SUCLG1: variants seen among roughly 807,000 people sequenced by gnomAD.
SUCLG1 encodes succinate--CoA ligase [ADP/GDP-forming] subunit alpha, mitochondrial.
SUCLG1 carries 26 observed loss-of-function variants against 37.3 expected under a neutral mutation model. The observed-to-expected ratio is 0.70, with a 90% CI of 0.51 to 0.97. The LOEUF is 0.97. Ranked by LOEUF, SUCLG1 falls within the 50% of genes least tolerant of loss-of-function variation. The pLI is 0.00. For missense variants in SUCLG1, 433 were observed against 432.9 expected (o/e 1.00, Z 0.00); for synonymous variants, 163 against 155.6 (o/e 1.05, Z -0.36).
intron 4 of SUCLG1, 70 bp downstream of exon 4, chr2:84,441,177 G>A (rs373372300): frequency 9.7e-4 from 1,562 of 1,610,598 alleles, no homozygotes; most frequent in Non-Finnish European, 1.2e-3. Flanking sequence ...AAATACACTC[G>A]CATTCACTCA....
intron 1 of SUCLG1, 108 bp downstream of exon 1, chr2:84,459,065 C>A (rs1214421147): frequency 8.5e-7 from 1 of 1,177,510 alleles, no homozygotes; most frequent in Non-Finnish European, 1.2e-6. Context: ...TCCCAGGCCC[C>A]CGCCGAGGTC....
intron 1 of SUCLG1, among the ~76,000 whole-genome samples, chr2:84,458,205 T>A (rs927212102): frequency 2.0e-5 from 3 of 152,060 alleles, no homozygotes; most frequent in African/African-American, 7.2e-5. Context: ...AGGATACATG[T>A]GACAACCACT....
At chr2:84,425,291 A>T in intron 8 of SUCLG1, 124 bp downstream of exon 8, 3 of 1,074,650 alleles carry the variant, frequency 2.8e-6, no homozygotes, top group Non-Finnish European at 4.2e-6. Flanking sequence ...ACAAACTATT[A>T]AGCTGCACAT....
chr2:84,452,049 C>T (rs865970612), intron 1 of SUCLG1, among the ~76,000 whole-genome samples: 22 of 152,100 alleles, frequency 1.4e-4, no homozygotes, highest in Admixed American at 1.2e-3. Context: ...TTGAGGAGCA[C>T]CCATACCAAG....
At chr2:84,446,661 G>A (rs1043362581) in intron 2 of SUCLG1, among the ~76,000 whole-genome samples, 1 of 151,906 alleles carries the variant, frequency 6.6e-6, no homozygotes, top group African/African-American at 2.4e-5. Context: ...TTGCTGCTCT[G>A]CAATGAGATA....
chr2:84,451,501 A>C (rs1260423315), intron 1 of SUCLG1, among the ~76,000 whole-genome samples: 1 of 152,216 alleles, frequency 6.6e-6, no homozygotes, highest in African/African-American at 2.4e-5. Context: ...AGTCACCCTG[A>C]GAAAAGGCAG....
chr2:84,425,360 C>T lies in SUCLG1; in HGVS notation c.1014+55G>A, dbSNP rs966889026. 4 of 1,602,762 alleles carry T rather than the reference C, an allele frequency of 2.5e-6. No homozygotes were observed. The African/African-American group carries it at 5.4e-5, about 21-fold the overall frequency. Reference sequence around the variant, plus strand: ...ATGATTTCCAGGTATCCAGTGTGGCCACACACAGAGAAAGCCTGCAACCTC... The same window carrying T: ...ATGATTTCCAGGTATCCAGTGTGGCTACACACAGAGAAAGCCTGCAACCTC... On this transcript the variant is annotated intron_variant, in intron 8 of 8. Coordinates refer to ENST00000393868, the MANE Select transcript of SUCLG1 (RefSeq NM_003849.4).
At chr2:84,445,974 A>T (rs906870937) in intron 2 of SUCLG1, among the ~76,000 whole-genome samples, 2 of 151,940 alleles carry the variant, frequency 1.3e-5, no homozygotes, top group Non-Finnish European at 2.9e-5. Context: ...TACTTATTAC[A>T]CTCCAGCCAC....
Position 84,449,751 on chromosome 2 carries a change from C to T in SUCLG1, c.99G>A (p.Leu33=), listed in dbSNP as rs756504535. 4 of 1,332,258 alleles carry T rather than the reference C, an allele frequency of 3.0e-6. No homozygotes were observed. Among genetic ancestry groups the T allele is most frequent in the Non-Finnish European group, 4.1e-6 (4 of 966,686 alleles). 82.5% of individuals were successfully genotyped at this position (1,332,258 alleles called of 1,614,324 possible). A position where few individuals can be genotyped will look rare whatever the true frequency, so the allele number is the denominator to read the frequency against. The change falls in exon 2 of 9, where the codon CTG becomes CTA. Residue 33 remains leucine (L), a splice_region_variant and synonymous_variant. Transcript: ENST00000393868. ...AARLLSRSFL[L]PQNGIRHCSY... ...AACAATGCCGAATTCCATTCTGCGG[C>T]ACTAAGAGGTTAAAAAAAAAAAAAA...
chr2:84,430,379 T>C (rs1055172816), intron 7 of SUCLG1, among the ~76,000 whole-genome samples: 1 of 152,212 alleles, frequency 6.6e-6, no homozygotes, highest in Non-Finnish European at 1.5e-5. Context: ...CAAGGTCATA[T>C]AGCTTCTAAG....
intron 1 of SUCLG1, among the ~76,000 whole-genome samples, chr2:84,456,158 A>C (rs567171702): frequency 6.6e-5 from 10 of 152,214 alleles, no homozygotes; most frequent in Non-Finnish European, 5.9e-5. Context: ...AGGCCTACGC[A>C]CTTGGCAAAC....
Position 84,433,374 on chromosome 2 carries a change from T to C in SUCLG1, c.651A>G (p.Gly217=). Residue 217 remains glycine, a synonymous_variant, in exon 6 of 9, where the codon GGA becomes GGG. Transcript: ENST00000393868. The part of the protein sequence containing the change: ...YEAVHQTTQV[G]LGQSLCVGIG... ...CACCAACGCACAAAGACTGCCCCAA[T>C]CCAACTTGCGTTGTTTGGTGAACTG... 6.2e-7 allele frequency: 1 copy of C among 1,613,978 alleles called. No individual in the cohort carries two copies. The highest frequency in any genetic ancestry group is 8.5e-7 in the Non-Finnish European group (1 of 1,179,888).
At chr2:84,445,890 A>G (rs1388159606) in intron 2 of SUCLG1, among the ~76,000 whole-genome samples, 1 of 152,206 alleles carries the variant, frequency 6.6e-6, no homozygotes, top group Non-Finnish European at 1.5e-5. Flanking sequence ...CAGTCAAGTA[A>G]AAGCCAAACT....
chr2:84,425,503 C>G lies in SUCLG1; in HGVS notation c.926G>C (p.Gly309Ala), dbSNP rs1259678864. Residue 309 changes from glycine (G) to alanine (A), a missense_variant, in exon 8 of 9, where the codon GGT (glycine) becomes GCT (alanine). Coordinates refer to ENST00000393868, the MANE Select transcript of SUCLG1 (RefSeq NM_003849.4). ...GGCAGAGATCTTCTCTTTAGCTCCA[C>G]CTTTTCCTCCAGCAATAATTGCCCC... Reference protein sequence around the residue: ...HAGAIIAGGKGGAKEKISALQ... With the variant: ...HAGAIIAGGKAGAKEKISALQ... 3.7e-6 allele frequency: 6 copies of G among 1,614,124 alleles called. No homozygotes were observed. Among genetic ancestry groups the G allele is most frequent in the Non-Finnish European group, 4.2e-6 (5 of 1,180,060 alleles).
chr2:84,452,268 G>A (rs1002738386), intron 1 of SUCLG1, among the ~76,000 whole-genome samples: 1 of 151,876 alleles, frequency 6.6e-6, no homozygotes, highest in African/African-American at 2.4e-5. Flanking sequence ...ATGTGTAAGA[G>A]GTGGGGAGGG....
chr2:84,437,676 A>G (rs1250247858), intron 5 of SUCLG1, among the ~76,000 whole-genome samples: 1 of 152,248 alleles, frequency 6.6e-6, no homozygotes, highest in Non-Finnish European at 1.5e-5. Flanking sequence ...AAAAACTAAC[A>G]TGCAAGTATC....
Position 84,438,282 on chromosome 2 carries a change from G to A in SUCLG1, c.589+2765C>T, listed in dbSNP as rs556601701. ...ATTTATAGTTATCTCAATATAGGCAGTTTAAAATTTTAAAAGAGGCCAGAA... is the reference window on the plus strand; with the variant it reads ...ATTTATAGTTATCTCAATATAGGCAATTTAAAATTTTAAAAGAGGCCAGAA... On this transcript the variant is annotated intron_variant, in intron 5 of 8. Transcript: ENST00000393868. Among the ~76,000 whole-genome samples, 3 of 152,270 alleles carry A rather than the reference G, an allele frequency of 2.0e-5. No individual in the cohort carries two copies. In the South Asian group the frequency reaches 6.2e-4, roughly 32 times the overall value.
rs77287147 is a variant in SUCLG1, at chr2:84,428,658, G to T, written c.825+2850C>A. On this transcript the variant is annotated intron_variant, in intron 7 of 8. Transcript: ENST00000393868. ...TCCCATTAACAAAGAGCCATTGGAG[G>T]CTTATTTGTTTTTGTTTTTTAAGTG... 9.4e-3 allele frequency among the ~76,000 whole-genome samples: 1,436 copies of T among 152,326 alleles called. 11 individuals carry two copies. Among genetic ancestry groups the T allele is most frequent in the Middle Eastern group, 0.014 (4 of 294 alleles).
intron 7 of SUCLG1, among the ~76,000 whole-genome samples, chr2:84,430,593 C>G (rs1410780577): frequency 6.6e-6 from 1 of 152,128 alleles, no homozygotes; most frequent in Non-Finnish European, 1.5e-5. Flanking sequence ...GTGTAAACCA[C>G]CCTGTACATG....
Sources: gnomAD v4.1 joint callset for allele counts (sites outside exome capture counted in the v4.1 genomes callset) on GRCh38, gnomAD v4.1.1 for gene constraint, MANE v1.5 for transcripts, NCBI Gene and HGNC (gene_info 2026-07-23, HGNC 2026-07-21) for gene names.